Variants in SWAP70 observed in about 807,000 individuals in gnomAD.
The protein encoded by SWAP70 is switching B cell complex subunit SWAP70.
SWAP70 carries 34 observed loss-of-function variants against 80.2 expected under a neutral mutation model. The observed-to-expected ratio is 0.42, with a 90% CI of 0.32 to 0.56. SWAP70 has a LOEUF of 0.56. Ranked by LOEUF, SWAP70 falls within the 20% of genes least tolerant of loss-of-function variation. SWAP70 has a pLI of 0.09. For missense variants in SWAP70, 578 were observed against 690.7 expected (o/e 0.84, Z 1.83); for synonymous variants, 239 against 238.5 (o/e 1.00, Z -0.02).
chr11:9,698,464 G>T (rs978345434), intron 2 of SWAP70, among the ~76,000 whole-genome samples: 1 of 152,126 alleles, frequency 6.6e-6, no homozygotes, highest in Non-Finnish European at 1.5e-5. Flanking sequence ...GAGTGCAGTG[G>T]CATGATCTCG....
chr11:9,676,535 A>G (rs777272991), intron 1 of SWAP70, among the ~76,000 whole-genome samples: 13 of 152,110 alleles, frequency 8.5e-5, no homozygotes, highest in Non-Finnish European at 1.6e-4. Context: ...AATTATCTCT[A>G]GATTACTTAT....
At chr11:9,697,037 C>A (rs1222397735) in intron 2 of SWAP70, among the ~76,000 whole-genome samples, 1 of 151,776 alleles carries the variant, frequency 6.6e-6, no homozygotes, top group African/African-American at 2.4e-5. Context: ...CATAGTGAGA[C>A]CTTGTCTCAA....
intron 1 of SWAP70, among the ~76,000 whole-genome samples, chr11:9,683,144 A>G (rs1407021534): frequency 1.3e-5 from 2 of 152,168 alleles, no homozygotes; most frequent in East Asian, 3.8e-4. Flanking sequence ...GCATGCCTGT[A>G]ATTCCAGCAC....
intron 2 of SWAP70, among the ~76,000 whole-genome samples, chr11:9,698,873 T>C (rs1365271179): frequency 6.6e-6 from 1 of 152,172 alleles, no homozygotes; most frequent in African/African-American, 2.4e-5. Context: ...AAAGTGAAAC[T>C]AGGTAGTGTG....
chr11:9,695,591 G>T (rs115883534), intron 2 of SWAP70, among the ~76,000 whole-genome samples: 7 of 149,670 alleles, frequency 4.7e-5, no homozygotes, highest in South Asian at 2.2e-4. Context: ...GAACACAGAG[G>T]GGGGAACAAC....
At chr11:9,664,419 A>C in intron 1 of SWAP70, 141 bp downstream of exon 1, 1 of 878,644 alleles carries the variant, frequency 1.1e-6, no homozygotes, top group Non-Finnish European at 1.7e-6. Flanking sequence ...CTTGGGGCGG[A>C]GTGGGTCTGA....
intron 1 of SWAP70, among the ~76,000 whole-genome samples, chr11:9,672,227 A>ATATATATATG (rs1590008620): frequency 2.9e-5 from 4 of 136,398 alleles, no homozygotes; most frequent in Admixed American, 2.4e-4. Flanking sequence ...ATATATATAT[A>ATATATATATG]TGATTGTAAA....
intron 2 of SWAP70, among the ~76,000 whole-genome samples, chr11:9,712,916 C>A (rs1367907717): frequency 6.6e-6 from 1 of 152,100 alleles, no homozygotes; most frequent in African/African-American, 2.4e-5. Context: ...AGGTTGGTCT[C>A]AAACTCCTGA....
At chr11:9,702,015 C>A (rs1850839440) in intron 2 of SWAP70, among the ~76,000 whole-genome samples, 1 of 152,154 alleles carries the variant, frequency 6.6e-6, no homozygotes, top group African/African-American at 2.4e-5. Context: ...CTAACAGAAG[C>A]CTTTTTGTAT....
At chr11:9,690,709 G>C (rs1466163581) in intron 1 of SWAP70, among the ~76,000 whole-genome samples, 1 of 152,006 alleles carries the variant, frequency 6.6e-6, no homozygotes. Flanking sequence ...CACACATAGT[G>C]AGACCCCATC....
chr11:9,690,331 C>T (rs914121596), intron 1 of SWAP70, among the ~76,000 whole-genome samples: 5 of 152,108 alleles, frequency 3.3e-5, no homozygotes, highest in Admixed American at 6.6e-5. Context: ...CCTCTAATCC[C>T]AGCACGCAGG....
At chr11:9,681,139 T>G (rs1001960565) in intron 1 of SWAP70, 3 of 152,352 alleles carry the variant, frequency 2.0e-5, no homozygotes, top group African/African-American at 7.2e-5. Flanking sequence ...GCTTACCTGC[T>G]AGAACCTCCA....
In SWAP70 at chr11:9,694,156, A is replaced by T; in HGVS notation, c.110A>T (p.His37Leu). The T allele has an allele frequency of 6.2e-7, 1 of 1,602,328 alleles. No homozygotes were observed. The highest frequency in any genetic ancestry group is 8.5e-7 in the Non-Finnish European group (1 of 1,175,368). Residue 37 changes from histidine to leucine, a missense_variant, in exon 2 of 12, where the codon CAT becomes CTT. Physicochemically the swap from His to Leu is moderately conservative, Grantham distance 99. Coordinates refer to ENST00000318950, the MANE Select transcript of SWAP70 (RefSeq NM_015055.4). Reference protein sequence around the residue: ...VSKSQLKVLSHNLCTVLKVPH... With the variant: ...VSKSQLKVLSLNLCTVLKVPH... ...TCTTTTCCCTTGCAGGTCCTTTCCC[A>T]TAACCTGTGCACGGTGCTGAAGGTT...
At chr11:9,731,672 A>AT (rs1317666259) in intron 6 of SWAP70, among the ~76,000 whole-genome samples, 1 of 152,222 alleles carries the variant, frequency 6.6e-6, no homozygotes, top group African/African-American at 2.4e-5. Context: ...AATAAAAAAA[A>AT]CTGAGGGTCA....
intron 1 of SWAP70, among the ~76,000 whole-genome samples, chr11:9,667,852 C>T (rs990381353): frequency 4.6e-5 from 7 of 152,208 alleles, no homozygotes; most frequent in African/African-American, 1.4e-4. Context: ...CGAGCCACTG[C>T]ACCCATCCTA....
At chr11:9,666,426 T>A (rs1043674180) in intron 1 of SWAP70, among the ~76,000 whole-genome samples, 3 of 152,246 alleles carry the variant, frequency 2.0e-5, no homozygotes, top group African/African-American at 7.2e-5. Flanking sequence ...TATTTCTTCA[T>A]GTAGGTTTTT....
intron 11 of SWAP70, 115 bp from the exon 12 acceptor site, chr11:9,749,749 C>T (rs16906967): frequency 1.5e-6 from 1 of 645,936 alleles, no homozygotes; most frequent in South Asian, 1.9e-5. Context: ...GACATTTATG[C>T]ATGTTCCTCA....
At chr11:9,675,341 G>GA (rs1273309388) in intron 1 of SWAP70, among the ~76,000 whole-genome samples, 77 of 61,470 alleles carry the variant, frequency 1.3e-3, no homozygotes, top group East Asian at 2.8e-3. Context: ...GAGAGAGAGA[G>GA]GGAGCGAGAG....
intron 3 of SWAP70, among the ~76,000 whole-genome samples, chr11:9,714,433 A>G (rs2133797199): frequency 6.6e-6 from 1 of 152,346 alleles, no homozygotes; most frequent in East Asian, 1.9e-4. Flanking sequence ...GGCACATAGT[A>G]TGTACTCAGT....
Sources: gnomAD v4.1 joint callset for allele counts (sites outside exome capture counted in the v4.1 genomes callset) on GRCh38, gnomAD v4.1.1 for gene constraint, MANE v1.5 for transcripts, NCBI Gene and HGNC (gene_info 2026-07-23, HGNC 2026-07-21) for gene names.